The following ABCA4 variants were observed in gnomAD, a reference collection of about 807,000 sequenced individuals.
ABCA4 encodes the protein ATP binding cassette subfamily A member 4.
Under a neutral mutation model 263.7 loss-of-function variants are expected in ABCA4, and 196 were observed. The ratio of observed to expected loss-of-function variants is 0.74; its 90% CI spans 0.66 to 0.84. ABCA4 has a LOEUF of 0.84. Among genes scored for constraint, ABCA4 ranks in the 40% least tolerant of loss-of-function variants. ABCA4 has a pLI of 0.00. For synonymous variants in ABCA4, 1,133 were observed against 1,094.2 expected (o/e 1.04, Z -0.70); for missense variants, 2,792 against 2,855.1 (o/e 0.98, Z 0.50).
intron 45 of ABCA4, chr1:94,001,445 G>C: frequency 4.0e-6 from 2 of 498,366 alleles, no homozygotes; most frequent in Non-Finnish European, 3.7e-6. Context: ...CTTGGTTCCC[G>C]CTATGTCCTG....
At chr1:94,116,404 C>T (rs1308674478) in intron 1 of ABCA4, among the ~76,000 whole-genome samples, 2 of 152,106 alleles carry the variant, frequency 1.3e-5, no homozygotes, top group East Asian at 3.9e-4. Flanking sequence ...GGGCATGGGA[C>T]ATCAGGGTTC....
intron 11 of ABCA4, among the ~76,000 whole-genome samples, chr1:94,064,340 C>G (rs1402918056): frequency 2.0e-5 from 3 of 152,142 alleles, no homozygotes; most frequent in Non-Finnish European, 4.4e-5. Flanking sequence ...GAAAGCAAGC[C>G]CAGTGTATTG....
intron 11 of ABCA4, among the ~76,000 whole-genome samples, chr1:94,077,094 T>C (rs541085827): frequency 3.9e-5 from 6 of 152,314 alleles, no homozygotes; most frequent in South Asian, 4.1e-4. Context: ...GTAAAAGCAG[T>C]TGGCACAGTA....
At position 94,003,207 on chromosome 1, in the gene ABCA4, C is replaced by T. The variant is rs146217295; in HGVS notation, c.6148-1215G>A. Among the ~76,000 whole-genome samples, 67 of 152,254 alleles carry T rather than the reference C, an allele frequency of 4.4e-4. 1 individual carries two copies. In the East Asian group the frequency reaches 0.012, roughly 28 times the overall value. ...TGTCAGTTGGTCCAATAATATCCTT[C>T]TATCATTTTTTTTCTCTTCTGCACA... On this transcript the variant is annotated intron_variant, in intron 44 of 49. Transcript: ENST00000370225.
chr1:94,105,719 G>A (rs1662413687), intron 4 of ABCA4, among the ~76,000 whole-genome samples: 1 of 152,044 alleles, frequency 6.6e-6, no homozygotes, highest in African/African-American at 2.4e-5. Flanking sequence ...AGATGATTGA[G>A]AGACCACAGA....
At position 94,031,837 on chromosome 1, in the gene ABCA4, C is replaced by T. The variant is rs754899711; in HGVS notation, c.4069G>A (p.Ala1357Thr). The change falls in exon 27 of 50, where the codon GCG (alanine) becomes ACG (threonine). Residue 1357 changes from alanine to threonine, a missense_variant. Ala to Thr is a moderately conservative substitution (Grantham distance 58). Coordinates refer to ENST00000370225, the MANE Select transcript of ABCA4 (RefSeq NM_000350.3). ...GTQLVLQHVQ[A>T]LLVKRFQHTI... is the part of the protein sequence containing the mutation. ...TGTTGGAATCTCTTGACCAGCAGCG[C>T]CTGCACATGCTGGAGGACCAGCTGT... 31 of 1,614,040 alleles carry T rather than the reference C, an allele frequency of 1.9e-5. No individual in the cohort carries two copies. Among genetic ancestry groups the T allele is most frequent in the Non-Finnish European group, 2.5e-5 (29 of 1,180,056 alleles).
intron 1 of ABCA4, among the ~76,000 whole-genome samples, chr1:94,120,696 T>A (rs1013912779): frequency 7.3e-5 from 3 of 40,952 alleles, no homozygotes; most frequent in South Asian, 9.7e-4. Flanking sequence ...AAACGGGGGG[T>A]GGGGGAGGGG....
intron 24 of ABCA4, 150 bp downstream of exon 24, chr1:94,039,893 G>A: frequency 1.4e-6 from 1 of 725,930 alleles, no homozygotes; most frequent in Admixed American, 2.0e-5. Context: ...AGAGGAGAAA[G>A]AAGCTCAAAG....
At chr1:94,043,010 T>C in intron 21 of ABCA4, 112 bp from the exon 22 acceptor site, 2 of 1,464,210 alleles carry the variant, frequency 1.4e-6, no homozygotes, top group African/African-American at 1.4e-5. Context: ...GGTTTGGTGC[T>C]GCCTCTTAGA....
Position 94,043,539 on chromosome 1 carries a change from A to C in ABCA4, c.3051-64T>G. On this transcript the variant is annotated intron_variant, in intron 20 of 49. Transcript: ENST00000370225. ...ACTTCCACTTCCAGCAGCTGATCTT[A>C]CAGAAATAATTGAGGACAAGTATTC... is the stretch of plus-strand genomic sequence containing the variant. The C allele has an allele frequency of 5.6e-6, 9 of 1,602,758 alleles. No homozygotes were observed. The South Asian group carries it at 8.9e-5, about 16-fold the overall frequency.
rs764475988 is a variant in ABCA4, at chr1:94,079,325, C to T, written c.1236G>A (p.Lys412=). ...PDSPAARRIL[K]NANSTFEELE... ...GCAAGCCCAGCTGGGATCTTACATT[C>T]TTCAGTATCCTTCGTGCTGCAGGTG... The change falls in exon 9 of 50, where the codon AAG becomes AAA. Residue 412 remains lysine, a synonymous_variant. Transcript: ENST00000370225. 1.2e-6 allele frequency: 2 copies of T among 1,614,152 alleles called. No homozygotes were observed. The highest frequency in any genetic ancestry group is 4.5e-5 in the East Asian group (2 of 44,876).
At chr1:94,096,046 T>C (rs1356878806) in intron 6 of ABCA4, among the ~76,000 whole-genome samples, 1 of 152,144 alleles carries the variant, frequency 6.6e-6, no homozygotes, top group Non-Finnish European at 1.5e-5. Context: ...CACGGTGGTC[T>C]CATGGGTGAT....
At chr1:94,115,728 G>T (rs1206155514) in intron 1 of ABCA4, among the ~76,000 whole-genome samples, 1 of 152,230 alleles carries the variant, frequency 6.6e-6, no homozygotes, top group Non-Finnish European at 1.5e-5. Context: ...TGAGCCATTT[G>T]TTATTGCCTT....
intron 6 of ABCA4, among the ~76,000 whole-genome samples, chr1:94,097,901 C>T (rs897544953): frequency 4.6e-5 from 7 of 152,202 alleles, no homozygotes; most frequent in African/African-American, 1.7e-4. Flanking sequence ...AGGCGCCCGC[C>T]ACCACACCTG....
At chr1:94,074,850 C>A (rs1240798995) in intron 11 of ABCA4, among the ~76,000 whole-genome samples, 3 of 152,142 alleles carry the variant, frequency 2.0e-5, no homozygotes, top group Non-Finnish European at 2.9e-5. Context: ...GAATATAAAT[C>A]ATTCTACTAT....
Position 94,080,665 on chromosome 1 carries a change from C to T in ABCA4, c.912G>A (p.Met304Ile). 1 of 1,614,144 alleles carries T rather than the reference C, an allele frequency of 6.2e-7. No individual in the cohort carries two copies. Among genetic ancestry groups the T allele is most frequent in the Non-Finnish European group, 8.5e-7 (1 of 1,180,024 alleles). Residue 304 changes from methionine to isoleucine, a missense_variant, in exon 8 of 50, where the codon ATG (methionine) becomes ATA (isoleucine). Transcript: ENST00000370225. ...QDLLWVTRPL[M>I]QNGGPETFTK... ...TAAAGGTCTCTGGACCACCATTCTG[C>T]ATGAGGGGCCTGGTCACCCACAGCA...
At chr1:94,059,023 C>G (rs1352589099) in intron 14 of ABCA4, among the ~76,000 whole-genome samples, 1 of 152,154 alleles carries the variant, frequency 6.6e-6, no homozygotes, top group Non-Finnish European at 1.5e-5. Flanking sequence ...AAAGAGAAAC[C>G]CTTTTGTGCA....
chr1:94,001,030 C>A lies in ABCA4; in HGVS notation c.6358G>T (p.Gly2120Trp). The change falls in exon 46 of 50, where the codon GGG becomes TGG. Residue 2120 changes from glycine to tryptophan, a missense_variant. Transcript: ENST00000370225. ...TGGGATGTGAGGACCACAGCCCTCCCTTCTCTGATGATGCTCACGATGACG... is the reference window on the plus strand; with the variant it reads ...TGGGATGTGAGGACCACAGCCCTCCATTCTCTGATGATGCTCACGATGACG... Reference protein sequence around the residue: ...WNVIVSIIREGRAVVLTSHSM... With the variant: ...WNVIVSIIREWRAVVLTSHSM... 6.2e-7 allele frequency: 1 copy of A among 1,614,218 alleles called. No homozygotes were observed. Among genetic ancestry groups the A allele is most frequent in the Non-Finnish European group, 8.5e-7 (1 of 1,180,028 alleles).
intron 36 of ABCA4, among the ~76,000 whole-genome samples, chr1:94,016,285 G>A (rs994217399): frequency 6.6e-6 from 1 of 152,178 alleles, no homozygotes; most frequent in Non-Finnish European, 1.5e-5. Flanking sequence ...CACAGAAAGG[G>A]GACGGCAACA....
Sources: gnomAD v4.1 joint callset for allele counts (sites outside exome capture counted in the v4.1 genomes callset) on GRCh38, gnomAD v4.1.1 for gene constraint, MANE v1.5 for transcripts, NCBI Gene and HGNC (gene_info 2026-07-23, HGNC 2026-07-21) for gene names.